The following CNOT2 variants were observed in gnomAD, a reference collection of about 807,000 sequenced individuals.
CNOT2 encodes CCR4-NOT transcription complex subunit 2.
In CNOT2, 7 loss-of-function variants were observed where a neutral mutation model predicts 72.1. That is an observed-to-expected ratio of 0.10 (90% CI 0.06 to 0.18). The LOEUF (loss-of-function observed/expected upper bound fraction) is 0.18, where lower values mean the gene tolerates loss of function less well. Among genes scored for constraint, CNOT2 ranks in the 10% least tolerant of loss-of-function variants. The probability of loss-of-function intolerance (pLI) is 1.00; values close to 1 mark genes in which losing one functional copy is unlikely to be tolerated. For synonymous variants in CNOT2, 196 were observed against 225.6 expected (o/e 0.87, Z 1.17); for missense variants, 345 against 660.3 (o/e 0.52, Z 5.23).
At chr12:70,318,525 A>T (rs979033760) in intron 3 of CNOT2, among the ~76,000 whole-genome samples, 8 of 151,890 alleles carry the variant, frequency 5.3e-5, no homozygotes, top group African/African-American at 1.9e-4. Context: ...TCTTGAGGGA[A>T]GACCCCTTCA....
intron 4 of CNOT2, among the ~76,000 whole-genome samples, chr12:70,329,106 A>C (rs1342362945): frequency 6.6e-6 from 1 of 151,974 alleles, no homozygotes; most frequent in African/African-American, 2.4e-5. Context: ...CATATATGCA[A>C]ATAGGCCTTT....
chr12:70,278,069 T>G, intron 1 of CNOT2, 63 bp from the exon 2 acceptor site: 1 of 525,138 alleles, frequency 1.9e-6, no homozygotes, highest in Non-Finnish European at 3.4e-6. Context: ...TTGAATATTT[T>G]TGCTGCTGTT....
chr12:70,319,147 A>C (rs1404600724), intron 3 of CNOT2, 151 bp from the exon 4 acceptor site: 2 of 532,772 alleles, frequency 3.8e-6, no homozygotes. Context: ...GAAACATGGA[A>C]TATATTATAG....
chr12:70,278,613 G>A (rs571914533), intron 2 of CNOT2, among the ~76,000 whole-genome samples: 23 of 152,084 alleles, frequency 1.5e-4, no homozygotes, highest in Non-Finnish European at 2.8e-4. Context: ...ATTATTCCTG[G>A]AAGACTAAAC....
At chr12:70,308,557 C>T (rs934797107) in intron 2 of CNOT2, among the ~76,000 whole-genome samples, 40 of 78,596 alleles carry the variant, frequency 5.1e-4, no homozygotes, top group Non-Finnish European at 1.1e-3. Context: ...GGTATATTTT[C>T]TCTCTCTCTC....
intron 15 of CNOT2, among the ~76,000 whole-genome samples, chr12:70,353,439 T>A (rs1032696003): frequency 4.6e-5 from 7 of 152,200 alleles, no homozygotes; most frequent in African/African-American, 1.7e-4. Flanking sequence ...ACTTTTTTCA[T>A]GGACAAAATC....
chr12:70,258,575 C>T (rs949009961), intron 1 of CNOT2, among the ~76,000 whole-genome samples: 23 of 152,166 alleles, frequency 1.5e-4, no homozygotes, highest in African/African-American at 5.1e-4. Flanking sequence ...ATTTATTTAA[C>T]TCCTACCGTG....
intron 2 of CNOT2, among the ~76,000 whole-genome samples, chr12:70,298,429 A>G (rs1052603151): frequency 6.6e-6 from 1 of 152,220 alleles, no homozygotes; most frequent in African/African-American, 2.4e-5. Flanking sequence ...GTCTGGGTTC[A>G]AAACCCATCT....
intron 1 of CNOT2, among the ~76,000 whole-genome samples, chr12:70,272,139 G>A (rs1959319377): frequency 6.6e-6 from 1 of 152,174 alleles, no homozygotes; most frequent in African/African-American, 2.4e-5. Flanking sequence ...TAAAATTAAA[G>A]TTAGTAAAGG....
At chr12:70,249,243 A>G (rs1294181022) in intron 1 of CNOT2, among the ~76,000 whole-genome samples, 1 of 151,948 alleles carries the variant, frequency 6.6e-6, no homozygotes, top group Admixed American at 6.6e-5. Context: ...TTCTGCTTGT[A>G]AGAATCTTTC....
chr12:70,327,579 A>T (rs892117414), intron 4 of CNOT2: 1 of 151,464 alleles, frequency 6.6e-6, no homozygotes, highest in African/African-American at 2.4e-5. Flanking sequence ...GATCTTTAAG[A>T]TCCCTTCCGG....
chr12:70,287,685 C>T (rs1460820837), intron 2 of CNOT2, among the ~76,000 whole-genome samples: 1 of 149,698 alleles, frequency 6.7e-6, no homozygotes, highest in African/African-American at 2.4e-5. Context: ...ATCTAGATTC[C>T]AATATATCTT....
At chr12:70,262,419 G>A (rs1309006314) in intron 1 of CNOT2, among the ~76,000 whole-genome samples, 2 of 151,466 alleles carry the variant, frequency 1.3e-5, no homozygotes, top group African/African-American at 2.4e-5. Context: ...GACTACAGGC[G>A]CCCGCCACTA....
chr12:70,303,155 C>T (rs1183940662), intron 2 of CNOT2, among the ~76,000 whole-genome samples: 1 of 152,260 alleles, frequency 6.6e-6, no homozygotes, highest in East Asian at 1.9e-4. Flanking sequence ...ACTGATGGGT[C>T]TTGACTCTTT....
chr12:70,284,512 G>T (rs1870516372), intron 2 of CNOT2, among the ~76,000 whole-genome samples: 1 of 150,392 alleles, frequency 6.6e-6, no homozygotes, highest in African/African-American at 2.5e-5. Context: ...TCCCCAAAGT[G>T]TTGGAATTAC....
rs1038665699 is a variant in CNOT2, at chr12:70,329,410, A to T, written c.239-13A>T. 3 of 1,602,076 alleles carry T rather than the reference A, an allele frequency of 1.9e-6. No homozygotes were observed. Among genetic ancestry groups the T allele is most frequent in the Admixed American group, 3.4e-5 (2 of 59,470 alleles). ...ATGGCAATGAATTTCCTTCTTCTGA[A>T]TTTTTTTATTAGGTGCACTAGGCCT... On this transcript the variant is annotated splice_polypyrimidine_tract_variant and intron_variant, in intron 4 of 15. Transcript: ENST00000229195.
At chr12:70,304,772 G>T (rs1874899943) in intron 2 of CNOT2, among the ~76,000 whole-genome samples, 1 of 152,352 alleles carries the variant, frequency 6.6e-6, no homozygotes, top group Middle Eastern at 3.4e-3. Flanking sequence ...GCCCCCAGAG[G>T]TGGAGCCTAC....
At chr12:70,310,305 T>C (rs1318816307) in intron 2 of CNOT2, among the ~76,000 whole-genome samples, 1 of 152,020 alleles carries the variant, frequency 6.6e-6, no homozygotes, top group Non-Finnish European at 1.5e-5. Flanking sequence ...AACAAATGAA[T>C]AAGCAGGTTA....
chr12:70,339,089 T>TACAC (rs539162323), intron 11 of CNOT2, among the ~76,000 whole-genome samples: 1,591 of 132,600 alleles, frequency 0.012, 36 homozygotes, highest in African/African-American at 0.045. Context: ...TATATATATA[T>TACAC]ATACACACAC....
Sources: gnomAD v4.1 joint callset for allele counts (sites outside exome capture counted in the v4.1 genomes callset) on GRCh38, gnomAD v4.1.1 for gene constraint, MANE v1.5 for transcripts, NCBI Gene and HGNC (gene_info 2026-07-23, HGNC 2026-07-21) for gene names.